FLT3: variants seen among roughly 807,000 people sequenced by gnomAD.
FLT3 encodes receptor-type tyrosine-protein kinase FLT3.
Under a neutral mutation model 126.6 loss-of-function variants are expected in FLT3, and 46 were observed. The observed-to-expected ratio is 0.36, with a 90% CI of 0.29 to 0.46. The LOEUF (loss-of-function observed/expected upper bound fraction) is 0.46, where lower values mean the gene tolerates loss of function less well. Among genes scored for constraint, FLT3 ranks in the 20% least tolerant of loss-of-function variants. The pLI, the probability that FLT3 is intolerant of heterozygous loss-of-function variation, is 1.00. For missense variants in FLT3, 1,069 were observed against 1,190.3 expected (o/e 0.90, Z 1.50); for synonymous variants, 404 against 434.4 (o/e 0.93, Z 0.87).
intron 1 of FLT3, among the ~76,000 whole-genome samples, chr13:28,092,126 C>T (rs1321673345): frequency 1.3e-5 from 2 of 152,020 alleles, no homozygotes; most frequent in Non-Finnish European, 2.9e-5. Context: ...CTAATTCATA[C>T]CTTCTGTGTC....
intron 1 of FLT3, among the ~76,000 whole-genome samples, chr13:28,081,910 A>T (rs1878350896): frequency 8.3e-6 from 1 of 120,560 alleles, no homozygotes; most frequent in African/African-American, 3.4e-5. Context: ...AGGCTGGAGT[A>T]CAATGGTGCG....
At position 28,061,947 on chromosome 13, in the gene FLT3, G is replaced by A. The variant is rs7338903; in HGVS notation, c.288C>T (p.Asp96=). The stretch of plus-strand genomic sequence containing the variant: ...AGAGACAGGAAATGTTCCCTGGGGC[G>A]TCGACCAGCACTTGCAGTGTGATGG... The part of the protein sequence containing the change: ...SASITLQVLV[D]APGNISCLWV... Residue 96 remains aspartate (D), a synonymous_variant, in exon 3 of 24, where the codon GAC becomes GAT. Coordinates refer to ENST00000241453, the MANE Select transcript of FLT3 (RefSeq NM_004119.3). 1,589,740 of 1,613,948 alleles carry A rather than the reference G, an allele frequency of 0.99. 783,238 individuals carry two copies. The highest frequency in any genetic ancestry group is 1 in the East Asian group (44,852 of 44,882).
intron 9 of FLT3, among the ~76,000 whole-genome samples, chr13:28,042,877 GA>G (rs10713102): frequency 0.76 from 107,958 of 142,402 alleles, 40,616 homozygotes; most frequent in East Asian, 0.87. Context: ...CAGAAAATAG[GA>G]AAAAAAAAAA....
At chr13:28,048,861 T>G (rs1384962635) in intron 8 of FLT3, among the ~76,000 whole-genome samples, 1 of 152,196 alleles carries the variant, frequency 6.6e-6, no homozygotes, top group African/African-American at 2.4e-5. Context: ...ATCGCTGTAT[T>G]TCTCGGCATT....
In FLT3 at chr13:28,100,540, C is replaced by T. The variant is rs1349244567; in HGVS notation, c.-30G>A. The T allele has an allele frequency of 5.0e-6, 6 of 1,208,606 alleles. No homozygotes were observed. The highest frequency in any genetic ancestry group is 8.7e-5 in the Admixed American group (2 of 22,928). The allele number at this position is 1,208,606 out of a possible 1,614,324, so 74.9% of individuals were successfully genotyped here. A position where few individuals can be genotyped will look rare whatever the true frequency, so the allele number is the denominator to read the frequency against. ...TCCGGAGCCCGGGGTCCCCAGGCCG[C>T]GCCGGCCCAGCCCTGCGATGCCGCC... On this transcript the variant is annotated 5_prime_UTR_variant, in exon 1 of 24. Coordinates refer to ENST00000241453, the MANE Select transcript of FLT3 (RefSeq NM_004119.3). The surrounding 1 kb of genome is among the most constrained non-coding windows in gnomAD (Gnocchi z 4.8).
chr13:28,078,992 G>A lies in FLT3; in HGVS notation c.44-8380C>T, dbSNP rs936392833. Among the ~76,000 whole-genome samples the A allele has an allele frequency of 5.3e-5, 8 of 152,238 alleles. No homozygotes were observed. In the South Asian group the frequency reaches 1.0e-3, roughly 20 times the overall value. Reference sequence around the variant, plus strand: ...CTCCCAAAGTGCTGGGGTTACAGGCGTGAGCCACCATGCCCGGCCTGGGTT... The same window carrying A: ...CTCCCAAAGTGCTGGGGTTACAGGCATGAGCCACCATGCCCGGCCTGGGTT... On this transcript the variant is annotated intron_variant, in intron 1 of 23. Coordinates refer to ENST00000241453, the MANE Select transcript of FLT3 (RefSeq NM_004119.3).
intron 10 of FLT3, 144 bp downstream of exon 10, chr13:28,037,039 TGA>T (rs1873897037): frequency 1.6e-6 from 1 of 606,960 alleles, no homozygotes. Flanking sequence ...CCAGTAGATA[TGA>T]GAGTAAAGTT....
chr13:28,014,106 T>C (rs1351539857), intron 23 of FLT3, among the ~76,000 whole-genome samples: 1 of 151,950 alleles, frequency 6.6e-6, no homozygotes, highest in Admixed American at 6.6e-5. Flanking sequence ...ACCCTATTTC[T>C]ACAAAAAATA....
chr13:28,037,338 T>C, intron 9 of FLT3, 50 bp from the exon 10 acceptor site: 1 of 1,063,780 alleles, frequency 9.4e-7, no homozygotes, highest in Non-Finnish European at 1.5e-6. Flanking sequence ...CTACAGGAGA[T>C]GCTGCAACTA....
At chr13:28,005,461 A>G (rs1328412586) in intron 23 of FLT3, among the ~76,000 whole-genome samples, 1 of 152,206 alleles carries the variant, frequency 6.6e-6, no homozygotes, top group Non-Finnish European at 1.5e-5. Context: ...AATTATCAAT[A>G]TATTGTTATT....
At chr13:28,024,814 G>C (rs763143926) in intron 18 of FLT3, 47 bp downstream of exon 18, 2 of 1,213,458 alleles carry the variant, frequency 1.6e-6, no homozygotes, top group East Asian at 4.7e-5. Flanking sequence ...TAAAACTTTT[G>C]CATTCATTTC....
chr13:28,003,797 G>A lies in FLT3; in HGVS notation c.*255C>T. Reference sequence around the variant, plus strand: ...GTACACAATTCACTCAAGCCAGCCTGAGAAGGCCTTGGATGCAGATCAATG... The same window carrying A: ...GTACACAATTCACTCAAGCCAGCCTAAGAAGGCCTTGGATGCAGATCAATG... On this transcript the variant is annotated 3_prime_UTR_variant, in exon 24 of 24. Coordinates refer to ENST00000241453, the MANE Select transcript of FLT3 (RefSeq NM_004119.3). 1 of 489,446 alleles carries A rather than the reference G, an allele frequency of 2.0e-6. No homozygotes were observed. Among genetic ancestry groups the A allele is most frequent in the Non-Finnish European group, 3.7e-6 (1 of 272,244 alleles). 30.3% of individuals were successfully genotyped at this position (489,446 alleles called of 1,614,324 possible).
chr13:28,011,337 G>GGGAGGGGAGT (rs1181500328), intron 23 of FLT3, among the ~76,000 whole-genome samples: 13 of 144,638 alleles, frequency 9.0e-5, no homozygotes, highest in Admixed American at 4.1e-4. Flanking sequence ...GAGAGGAGAG[G>GGGAGGGGAGT]GGAGGGGAGG....
intron 1 of FLT3, among the ~76,000 whole-genome samples, chr13:28,075,460 C>G (rs1307856000): frequency 6.6e-6 from 1 of 152,062 alleles, no homozygotes; most frequent in Non-Finnish European, 1.5e-5. Context: ...CATGGTGGCT[C>G]ACATCTGTAA....
chr13:28,070,991 C>CTTTTTTTTT (rs11408684), intron 1 of FLT3, among the ~76,000 whole-genome samples: 1 of 90,900 alleles, frequency 1.1e-5, no homozygotes. Flanking sequence ...AGATTTCTAC[C>CTTTTTTTTT]TTTTTTTTTT....
chr13:28,018,019 C>T (rs1872042850), intron 20 of FLT3, among the ~76,000 whole-genome samples: 1 of 152,172 alleles, frequency 6.6e-6, no homozygotes, highest in Non-Finnish European at 1.5e-5. Flanking sequence ...GATAAATATT[C>T]ATTAATTCAT....
Position 28,035,828 on chromosome 13 carries a change from C to CA in FLT3, c.1418+106dup, listed in dbSNP as rs1873784979. 5.7e-6 allele frequency: 7 copies of CA among 1,220,562 alleles called. No homozygotes were observed. In the South Asian group the frequency reaches 7.9e-5, roughly 14 times the overall value. 75.6% of individuals were successfully genotyped at this position (1,220,562 alleles called of 1,614,324 possible). A position where few individuals can be genotyped will look rare whatever the true frequency, so the allele number is the denominator to read the frequency against. ...AGTTATGGTTGATTGAGAAGGTTAG[C>CA]ATTTTAAATATTTCATCATTTCCTC... On this transcript the variant is annotated intron_variant, in intron 11 of 23. Coordinates refer to ENST00000241453, the MANE Select transcript of FLT3 (RefSeq NM_004119.3).
At chr13:28,008,819 T>A (rs1871134940) in intron 23 of FLT3, among the ~76,000 whole-genome samples, 1 of 152,028 alleles carries the variant, frequency 6.6e-6, no homozygotes, top group African/African-American at 2.4e-5. Flanking sequence ...GCTTTTTTGG[T>A]TGGGTGATTT....
intron 1 of FLT3, among the ~76,000 whole-genome samples, chr13:28,086,649 T>C (rs1368817450): frequency 6.6e-6 from 1 of 151,526 alleles, no homozygotes; most frequent in Non-Finnish European, 1.5e-5. Context: ...TGTGTGTGTG[T>C]GTGTGTGTGT....
Sources: gnomAD v4.1 joint callset for allele counts (sites outside exome capture counted in the v4.1 genomes callset) on GRCh38, gnomAD v4.1.1 for gene constraint, Gnocchi (gnomAD v3.1) non-coding constraint, MANE v1.5 for transcripts, NCBI Gene and HGNC (gene_info 2026-07-23, HGNC 2026-07-21) for gene names.